The following NALCN variants were observed in gnomAD, a reference collection of about 807,000 sequenced individuals.
NALCN encodes the protein sodium leak channel NALCN.
A neutral mutation model predicts 225.3 loss-of-function variants in NALCN; 111 were observed. The ratio of observed to expected loss-of-function variants is 0.49; its 90% CI spans 0.42 to 0.58. The LOEUF is 0.58. NALCN is among the 20% of genes least tolerant of loss of function. The pLI is 0.00. For synonymous variants in NALCN, 764 were observed against 769.0 expected, an observed-to-expected ratio of 0.99 and a Z score of 0.11; for missense variants, 1,378 against 2,202.4, an observed-to-expected ratio of 0.63 and a Z score of 7.49.
chr13:101,314,445 G>A (rs1210403834), intron 7 of NALCN, among the ~76,000 whole-genome samples: 1 of 152,154 alleles, frequency 6.6e-6, no homozygotes, highest in African/African-American at 2.4e-5. Context: ...CCAGACTAAT[G>A]TAGGAATAGG....
chr13:101,333,149 A>G (rs2045246221), intron 7 of NALCN, among the ~76,000 whole-genome samples: 1 of 152,172 alleles, frequency 6.6e-6, no homozygotes, highest in African/African-American at 2.4e-5. Context: ...TTCTTTCAGA[A>G]TGGTTACATT....
chr13:101,074,600 T>G lies in NALCN; in HGVS notation c.4017A>C (p.Ile1339=). 6.2e-7 allele frequency: 1 copy of G among 1,613,760 alleles called. No individual in the cohort carries two copies. Among genetic ancestry groups the G allele is most frequent in the Non-Finnish European group, 8.5e-7 (1 of 1,179,962 alleles). The change falls in exon 36 of 44, where the codon ATA becomes ATC. Residue 1339 remains isoleucine (I), a synonymous_variant. Transcript: ENST00000251127. The stretch of plus-strand genomic sequence containing the variant: ...ACAGCAGCAAGAGAAACATGCCTAC[T>G]ATGATAAAGAAGCTCTTGTACATGC... ...VVSMYKSFFI[I]VGMFLLLLCY...
At chr13:101,356,160 C>A (rs1051501540) in intron 6 of NALCN, among the ~76,000 whole-genome samples, 5 of 151,996 alleles carry the variant, frequency 3.3e-5, no homozygotes, top group Middle Eastern at 3.4e-3. Flanking sequence ...GCAAAAAAAT[C>A]TAAAAGCTAG....
chr13:101,089,884 C>T lies in NALCN; in HGVS notation c.3352G>A (p.Val1118Met). 1 of 1,614,036 alleles carries T rather than the reference C, an allele frequency of 6.2e-7. No homozygotes were observed. Among genetic ancestry groups the T allele is most frequent in the Non-Finnish European group, 8.5e-7 (1 of 1,179,912 alleles). ...LFEVLSLKGWVEVRDVIIHRV... is the reference protein window; with the variant it reads ...LFEVLSLKGWMEVRDVIIHRV... ...TGAATAATAACATCTCTCACTTCCA[C>T]CCAGCCTTTCAAGGAGAGAACTTCA... Residue 1118 changes from valine (V) to methionine (M), a missense_variant, in exon 29 of 44, where the codon GTG (valine) becomes ATG (methionine). By Grantham distance (21) the Val-to-Met change is conservative. This residue lies in a region of NALCN where 292 missense variants were observed against 409.5 expected (regional missense o/e 0.71). Transcript: ENST00000251127. This position sits in a 1 kb window ranked among gnomAD's most constrained non-coding sequence, Gnocchi z 4.7.
chr13:101,168,177 C>T (rs2038545525), intron 15 of NALCN, among the ~76,000 whole-genome samples: 1 of 152,174 alleles, frequency 6.6e-6, no homozygotes, highest in Admixed American at 6.5e-5. Flanking sequence ...TTGGCTCCTC[C>T]TCACTGGTTC....
chr13:101,407,886 T>A (rs548968098), intron 1 of NALCN, among the ~76,000 whole-genome samples: 8 of 152,324 alleles, frequency 5.3e-5, no homozygotes, highest in East Asian at 1.9e-4. Context: ...ATTAAAAAAA[T>A]TTTCAGTTTA....
At chr13:101,188,658 G>A (rs187099130) in intron 14 of NALCN, among the ~76,000 whole-genome samples, 2 of 141,444 alleles carry the variant, frequency 1.4e-5, no homozygotes, top group East Asian at 2.0e-4. Context: ...ACACACACGT[G>A]TGTGTGTGTG....
intron 14 of NALCN, among the ~76,000 whole-genome samples, chr13:101,190,559 T>C (rs1375118184): frequency 6.6e-6 from 1 of 152,212 alleles, no homozygotes; most frequent in Non-Finnish European, 1.5e-5. Flanking sequence ...CTTTTAAAAG[T>C]CAACTCCATG....
chr13:101,077,003 G>A (rs1020710666), intron 34 of NALCN, among the ~76,000 whole-genome samples: 2 of 152,086 alleles, frequency 1.3e-5, no homozygotes, highest in South Asian at 4.2e-4. Flanking sequence ...GAATCACTGG[G>A]GTGGTTTCCC....
chr13:101,167,335 G>A (rs1446681779), intron 15 of NALCN, among the ~76,000 whole-genome samples: 1 of 152,188 alleles, frequency 6.6e-6, no homozygotes, highest in Non-Finnish European at 1.5e-5. Context: ...AAGCCTTCCA[G>A]TTCTTCAACA....
chr13:101,105,783 GTCTGGCAA>G, intron 22 of NALCN, among the ~76,000 whole-genome samples: 1 of 152,270 alleles, frequency 6.6e-6, no homozygotes, highest in Middle Eastern at 3.4e-3. Flanking sequence ...AAGAACAATA[GTCTGGCAA>G]TCAAGAGAGA....
At chr13:101,176,483 G>T in intron 14 of NALCN, 109 bp from the exon 15 acceptor site, 1 of 653,094 alleles carries the variant, frequency 1.5e-6, no homozygotes. Flanking sequence ...TTCATTAAAT[G>T]CAAAATAAAC....
chr13:101,189,855 G>A (rs949556175), intron 14 of NALCN, among the ~76,000 whole-genome samples: 2 of 152,216 alleles, frequency 1.3e-5, no homozygotes, highest in Admixed American at 6.5e-5. Context: ...AGTGGAAAGA[G>A]TAGAATTAGA....
chr13:101,107,732 T>G lies in NALCN; in HGVS notation c.2422A>C (p.Ile808Leu). Residue 808 changes from isoleucine (I) to leucine (L), a missense_variant, in exon 21 of 44, where the codon ATT (isoleucine) becomes CTT (leucine). Transcript: ENST00000251127. Reference protein sequence around the residue: ...AQREDSEIKMIQEKKEQAEMK... With the variant: ...AQREDSEIKMLQEKKEQAEMK... Reference sequence around the variant, plus strand: ...TCTGCTTGCTCCTTTTTTTCCTGAATCATCTTTATTTCACTGTCTTCTCTT... The same window carrying G: ...TCTGCTTGCTCCTTTTTTTCCTGAAGCATCTTTATTTCACTGTCTTCTCTT... The G allele has an allele frequency of 6.2e-7, 1 of 1,613,922 alleles. No individual in the cohort carries two copies. The highest frequency in any genetic ancestry group is 8.5e-7 in the Non-Finnish European group (1 of 1,179,938).
intron 15 of NALCN, among the ~76,000 whole-genome samples, chr13:101,147,331 T>C (rs1182064752): frequency 6.6e-6 from 1 of 151,242 alleles, no homozygotes; most frequent in Non-Finnish European, 1.5e-5. Context: ...GGCATTCCAC[T>C]GCCTTTTTCT....
intron 7 of NALCN, among the ~76,000 whole-genome samples, chr13:101,336,070 T>C (rs921781798): frequency 6.6e-6 from 1 of 152,098 alleles, no homozygotes; most frequent in South Asian, 2.1e-4. Context: ...AGAATACTAA[T>C]AGAAAAAGAT....
At chr13:101,056,665 T>C (rs1318635383) in intron 43 of NALCN, among the ~76,000 whole-genome samples, 1 of 152,198 alleles carries the variant, frequency 6.6e-6, no homozygotes, top group Non-Finnish European at 1.5e-5. Context: ...CCCTGCAGTA[T>C]CTGGCCCCCA....
At chr13:101,317,797 T>C (rs186566604) in intron 7 of NALCN, among the ~76,000 whole-genome samples, 15 of 152,318 alleles carry the variant, frequency 9.8e-5, no homozygotes, top group African/African-American at 3.6e-4. Context: ...TTTGCTTTAT[T>C]ATAATGCTTA....
intron 6 of NALCN, among the ~76,000 whole-genome samples, chr13:101,365,790 C>T (rs1055547496): frequency 7.2e-5 from 11 of 152,104 alleles, no homozygotes; most frequent in Admixed American, 7.2e-4. Context: ...ATCACCCTAC[C>T]TCTGGGCTTA....
Sources: allele counts gnomAD v4.1 joint callset (sites outside exome capture counted in the v4.1 genomes callset), GRCh38; gene constraint gnomAD v4.1.1; regional missense constraint gnomAD v4.1.1; non-coding constraint Gnocchi (gnomAD v3.1); transcripts MANE v1.5; gene names NCBI Gene and HGNC (gene_info 2026-07-23, HGNC 2026-07-21).